Variants in CATSPERE observed in about 807,000 individuals in gnomAD.
CATSPERE encodes the protein cation channel sperm-associated auxiliary subunit epsilon.
In CATSPERE, 93 loss-of-function variants were observed where a neutral mutation model predicts 114.1. The observed-to-expected ratio is 0.81, with a 90% CI of 0.69 to 0.97. The LOEUF is 0.97. CATSPERE is among the 50% of genes least tolerant of loss of function. The pLI is 0.00. For missense variants in CATSPERE, 1,058 were observed against 1,131.6 expected, an observed-to-expected ratio of 0.93 and a Z score of 0.93; for synonymous variants, 341 against 384.1, an observed-to-expected ratio of 0.89 and a Z score of 1.31.
intron 19 of CATSPERE, among the ~76,000 whole-genome samples, chr1:244,615,534 C>T (rs2148703943): frequency 6.6e-6 from 1 of 151,482 alleles, no homozygotes; most frequent in East Asian, 1.9e-4. Flanking sequence ...CTATTGCTCC[C>T]AGGCCACAAA....
upstream of CATSPERE, among the ~76,000 whole-genome samples, chr1:244,452,860 C>T (rs1665737460): frequency 6.6e-6 from 1 of 152,164 alleles, no homozygotes; most frequent in African/African-American, 2.4e-5. Context: ...ACCTACTGTT[C>T]ATCTAATGCC....
chr1:244,539,581 C>T (rs1347170644), intron 8 of CATSPERE, among the ~76,000 whole-genome samples: 9 of 145,046 alleles, frequency 6.2e-5, no homozygotes, highest in Non-Finnish European at 1.2e-4. Flanking sequence ...AGGTAGAATT[C>T]GGCTGTGAAT....
chr1:244,545,237 C>T (rs1022600544), intron 8 of CATSPERE, among the ~76,000 whole-genome samples: 3 of 152,144 alleles, frequency 2.0e-5, no homozygotes, highest in African/African-American at 7.2e-5. Flanking sequence ...CAGGATATCC[C>T]TTCTAAGGTG....
chr1:244,576,906 T>G (rs961013627), intron 11 of CATSPERE, among the ~76,000 whole-genome samples: 23 of 152,180 alleles, frequency 1.5e-4, no homozygotes, highest in Non-Finnish European at 1.6e-4. Flanking sequence ...TAAATATATA[T>G]GAAACATTTT....
intron 20 of CATSPERE, among the ~76,000 whole-genome samples, chr1:244,621,585 A>T (rs1363973819): frequency 6.6e-6 from 1 of 151,836 alleles, no homozygotes; most frequent in Non-Finnish European, 1.5e-5. Flanking sequence ...TAAGAAAAGG[A>T]GAAACCACAA....
At chr1:244,630,344 T>G (rs931583172) in intron 20 of CATSPERE, among the ~76,000 whole-genome samples, 1 of 152,216 alleles carries the variant, frequency 6.6e-6, no homozygotes, top group Non-Finnish European at 1.5e-5. Context: ...GTGTAATATA[T>G]TTAAGTATCT....
intron 17 of CATSPERE, among the ~76,000 whole-genome samples, chr1:244,601,977 G>A (rs1468893123): frequency 6.6e-6 from 1 of 151,692 alleles, no homozygotes; most frequent in African/African-American, 2.4e-5. Context: ...AGGAGGAGAA[G>A]GGGAGAAAGG....
intron 7 of CATSPERE, among the ~76,000 whole-genome samples, chr1:244,508,018 A>G (rs957981014): frequency 2.0e-5 from 3 of 151,874 alleles, no homozygotes; most frequent in Non-Finnish European, 2.9e-5. Context: ...TGTCCTTGAT[A>G]TTTTGATAGA....
intron 2 of CATSPERE, among the ~76,000 whole-genome samples, chr1:244,464,963 A>AG (rs981824619): frequency 1.4e-5 from 2 of 145,760 alleles, no homozygotes; most frequent in African/African-American, 4.9e-5. Flanking sequence ...ACTTTACTGA[A>AG]AAAAAAAAAA....
At chr1:244,500,296 C>T (rs1175987751) in intron 7 of CATSPERE, among the ~76,000 whole-genome samples, 1 of 152,016 alleles carries the variant, frequency 6.6e-6, no homozygotes, top group Admixed American at 6.6e-5. Flanking sequence ...CTGTAGTTTG[C>T]CTTTTCACTC....
intron 2 of CATSPERE, among the ~76,000 whole-genome samples, chr1:244,465,778 G>A (rs536745800): frequency 2.0e-4 from 31 of 152,262 alleles, no homozygotes; most frequent in Admixed American, 1.7e-3. Flanking sequence ...GATTTTGATT[G>A]GGATTGCACT....
At chr1:244,625,403 TATTTA>T (rs1388060277) in intron 20 of CATSPERE, among the ~76,000 whole-genome samples, 1 of 16,124 alleles carries the variant, frequency 6.2e-5, no homozygotes, top group African/African-American at 2.3e-4. Flanking sequence ...TTATTATTAT[TATTTA>T]TATATATATA....
intron 5 of CATSPERE, among the ~76,000 whole-genome samples, chr1:244,488,494 C>T (rs1671433011): frequency 6.6e-6 from 1 of 152,132 alleles, no homozygotes; most frequent in Admixed American, 6.5e-5. Context: ...TCAAGAAAGC[C>T]AAGAAAACTG....
chr1:244,507,274 T>C (rs568381695), intron 7 of CATSPERE, among the ~76,000 whole-genome samples: 1 of 152,328 alleles, frequency 6.6e-6, no homozygotes, highest in South Asian at 2.1e-4. Context: ...AAATACCTAG[T>C]AGTGGGATTG....
At chr1:244,529,731 C>T (rs1290690646) in intron 8 of CATSPERE, among the ~76,000 whole-genome samples, 1 of 151,698 alleles carries the variant, frequency 6.6e-6, no homozygotes, top group African/African-American at 2.4e-5. Context: ...TGTGATTCTA[C>T]TTGTCCATTT....
intron 9 of CATSPERE, among the ~76,000 whole-genome samples, chr1:244,558,946 C>G (rs1662121292): frequency 6.6e-6 from 1 of 152,192 alleles, no homozygotes; most frequent in African/African-American, 2.4e-5. Flanking sequence ...ATGGGTTTCT[C>G]TCAACTTGTC....
chr1:244,634,840 A>G (rs1674408524), intron 20 of CATSPERE, among the ~76,000 whole-genome samples: 1 of 152,176 alleles, frequency 6.6e-6, no homozygotes, highest in African/African-American at 2.4e-5. Context: ...GCAATGCTCA[A>G]TTAGTATTCA....
In CATSPERE at chr1:244,605,656, A is replaced by C. The variant is rs1558580266; in HGVS notation, c.2304-39A>C. 3.6e-6 allele frequency: 5 copies of C among 1,394,680 alleles called. No individual in the cohort carries two copies. The African/African-American group carries it at 7.1e-5, about 20-fold the overall frequency. The allele number at this position is 1,394,680 out of a possible 1,614,324, so 86.4% of individuals were successfully genotyped here. On this transcript the variant is annotated intron_variant, in intron 17 of 21. Transcript: ENST00000366534. The stretch of plus-strand genomic sequence containing the variant: ...CTGGAACTCTTAACCCCTCTATTTT[A>C]TATTAAACTAGTATCTTTCTGTTTG...
At chr1:244,521,823 G>C (rs1677623889) in intron 8 of CATSPERE, among the ~76,000 whole-genome samples, 1 of 152,080 alleles carries the variant, frequency 6.6e-6, no homozygotes. Flanking sequence ...AGTAATCAAA[G>C]AAAAATATTA....
Sources: allele counts gnomAD v4.1 joint callset (sites outside exome capture counted in the v4.1 genomes callset), GRCh38; gene constraint gnomAD v4.1.1; transcripts MANE v1.5; gene names NCBI Gene and HGNC (gene_info 2026-07-23, HGNC 2026-07-21).